Variants in RIMS1 observed in about 807,000 individuals in gnomAD.
The protein encoded by RIMS1 is regulating synaptic membrane exocytosis protein 1.
Under a neutral mutation model 214.1 loss-of-function variants are expected in RIMS1, and 83 were observed. The ratio of observed to expected loss-of-function variants is 0.39; its 90% CI spans 0.32 to 0.47. The LOEUF (loss-of-function observed/expected upper bound fraction) is 0.47, where lower values mean the gene tolerates loss of function less well. RIMS1 is among the 20% of genes least tolerant of loss of function. The probability of loss-of-function intolerance (pLI) is 0.99; values close to 1 mark genes in which losing one functional copy is unlikely to be tolerated. For missense variants in RIMS1, 2,050 were observed against 2,161.8 expected (o/e 0.95, Z 1.03); for synonymous variants, 793 against 786.8 (o/e 1.01, Z -0.13).
At chr6:72,194,706 A>G (rs147687729) in intron 6 of RIMS1, among the ~76,000 whole-genome samples, 1 of 152,278 alleles carries the variant, frequency 6.6e-6, no homozygotes, top group African/African-American at 2.4e-5. Flanking sequence ...CACAGCCTTT[A>G]TAGTCAATAT....
Position 72,227,594 on chromosome 6 carries a change from C to T in RIMS1, c.1679-6179C>T, listed in dbSNP as rs2060589757. ...TACACACAACCAGAAAAAGTACTGC[C>T]TCTACCAAATATGTTAATAAAGTTT... On this transcript the variant is annotated intron_variant, in intron 6 of 33. Transcript: ENST00000521978. Among the ~76,000 whole-genome samples the T allele has an allele frequency of 4.0e-5, 6 of 151,866 alleles. No individual in the cohort carries two copies. In the South Asian group the frequency reaches 1.2e-3, roughly 32 times the overall value.
chr6:71,973,126 T>A (rs1796286560), intron 2 of RIMS1, among the ~76,000 whole-genome samples: 1 of 152,210 alleles, frequency 6.6e-6, no homozygotes, highest in South Asian at 2.1e-4. Context: ...GTCAGGCTGG[T>A]CTTGAACTCC....
At chr6:72,070,773 G>A (rs990583270) in intron 2 of RIMS1, among the ~76,000 whole-genome samples, 1 of 152,242 alleles carries the variant, frequency 6.6e-6, no homozygotes, top group South Asian at 2.1e-4. Context: ...GAATAACCTG[G>A]AGGGAGGTTT....
At chr6:72,340,178 G>T in intron 29 of RIMS1, among the ~76,000 whole-genome samples, 1 of 152,008 alleles carries the variant, frequency 6.6e-6, no homozygotes, top group Non-Finnish European at 1.5e-5. Flanking sequence ...GTAGATTCTG[G>T]ATATTAGCCC....
chr6:72,364,256 C>A (rs761848229), intron 29 of RIMS1, among the ~76,000 whole-genome samples: 2 of 152,116 alleles, frequency 1.3e-5, no homozygotes, highest in African/African-American at 4.8e-5. Flanking sequence ...AGCTTACTGC[C>A]CCTTCTGACA....
chr6:72,365,430 A>G (rs1032285273), intron 29 of RIMS1, among the ~76,000 whole-genome samples: 2 of 152,234 alleles, frequency 1.3e-5, no homozygotes, highest in African/African-American at 4.8e-5. Flanking sequence ...TTTGAATTAC[A>G]TAGACTTCAT....
intron 22 of RIMS1, among the ~76,000 whole-genome samples, chr6:72,271,286 AATAT>A (rs1222564699): frequency 1.2e-3 from 55 of 44,360 alleles, no homozygotes; most frequent in East Asian, 8.6e-3. Context: ...AAAAAAAAAA[AATAT>A]ATATATATAT....
At chr6:71,895,507 T>C (rs1464758311) in intron 1 of RIMS1, among the ~76,000 whole-genome samples, 1 of 151,868 alleles carries the variant, frequency 6.6e-6, no homozygotes, top group Admixed American at 6.6e-5. Flanking sequence ...AAACCCCATC[T>C]CTACTAAAAA....
chr6:72,368,632 A>G (rs371578789), intron 29 of RIMS1, among the ~76,000 whole-genome samples: 39 of 152,236 alleles, frequency 2.6e-4, no homozygotes, highest in African/African-American at 8.2e-4. Context: ...AGCTCACTCA[A>G]TGAAGATGCG....
At chr6:71,991,382 T>G (rs1390313833) in intron 2 of RIMS1, among the ~76,000 whole-genome samples, 2 of 152,222 alleles carry the variant, frequency 1.3e-5, no homozygotes, top group African/African-American at 4.8e-5. Flanking sequence ...CTTGGCCATA[T>G]TCTTTTTTGG....
At chr6:72,223,809 G>C (rs989380707) in intron 6 of RIMS1, among the ~76,000 whole-genome samples, 1 of 151,910 alleles carries the variant, frequency 6.6e-6, no homozygotes, top group Admixed American at 6.6e-5. Flanking sequence ...TTAGCCAGGC[G>C]TGGTGGTGGG....
rs1340368965 is a variant in RIMS1 at position 72,265,466 on chromosome 6, T to C, written c.3271T>C (p.Ser1091Pro). ...TTCCCTTCATCATGAATGCTTTAAC[T>C]CAACAGTATTGAGATTTACTGATGA... is the stretch of plus-strand genomic sequence containing the variant. ...DISLHHECFN[S>P]TVLRFTDEIL... The change falls in exon 21 of 34, where the codon TCA becomes CCA. Residue 1091 changes from serine to proline, a missense_variant. Ser to Pro is a moderately conservative substitution (Grantham distance 74). Transcript: ENST00000521978. 1 of 1,605,218 alleles carries C rather than the reference T, an allele frequency of 6.2e-7. No individual in the cohort carries two copies. Among genetic ancestry groups the C allele is most frequent in the Admixed American group, 1.7e-5 (1 of 59,832 alleles).
intron 2 of RIMS1, among the ~76,000 whole-genome samples, chr6:72,051,267 C>A (rs1824577652): frequency 6.6e-6 from 1 of 152,054 alleles, no homozygotes; most frequent in African/African-American, 2.4e-5. Context: ...CTCAACTTTT[C>A]TTTTATCAAG....
At chr6:72,288,924 A>G (rs1592105520) in intron 24 of RIMS1, among the ~76,000 whole-genome samples, 3 of 152,332 alleles carry the variant, frequency 2.0e-5, no homozygotes, top group Admixed American at 2.0e-4. Flanking sequence ...AACCTCAAAC[A>G]TTACAGGCTA....
chr6:71,996,581 TTA>T (rs1803503802), intron 2 of RIMS1, among the ~76,000 whole-genome samples: 2 of 152,210 alleles, frequency 1.3e-5, no homozygotes, highest in South Asian at 4.1e-4. Flanking sequence ...TCTGCACTAC[TTA>T]TAAAGATGGC....
chr6:72,219,814 T>A (rs1159561824), intron 6 of RIMS1, among the ~76,000 whole-genome samples: 1 of 151,942 alleles, frequency 6.6e-6, no homozygotes, highest in African/African-American at 2.4e-5. Context: ...CTTAATTTTT[T>A]TTTTACTTTT....
chr6:72,139,391 T>C (rs982546720), intron 4 of RIMS1, among the ~76,000 whole-genome samples: 1 of 152,224 alleles, frequency 6.6e-6, no homozygotes, highest in African/African-American at 2.4e-5. Flanking sequence ...TCTGCTCATT[T>C]GGCATCTCAT....
intron 4 of RIMS1, among the ~76,000 whole-genome samples, chr6:72,170,814 G>A (rs1187643441): frequency 6.6e-6 from 1 of 151,716 alleles, no homozygotes; most frequent in Admixed American, 6.6e-5. Context: ...ACTTTATATT[G>A]CAAAATAAAA....
intron 4 of RIMS1, among the ~76,000 whole-genome samples, chr6:72,154,977 A>G (rs555198120): frequency 1.1e-4 from 16 of 140,288 alleles, no homozygotes; most frequent in African/African-American, 3.9e-4. Flanking sequence ...TTACCACTCC[A>G]TGGATTCTAT....
Sources: gnomAD v4.1 joint callset for allele counts (sites outside exome capture counted in the v4.1 genomes callset) on GRCh38, gnomAD v4.1.1 for gene constraint, MANE v1.5 for transcripts, NCBI Gene and HGNC (gene_info 2026-07-23, HGNC 2026-07-21) for gene names.